The following GRM5 variants were observed in gnomAD, a reference collection of about 807,000 sequenced individuals.
GRM5 encodes the protein glutamate metabotropic receptor 5.
GRM5 carries 19 observed loss-of-function variants against 83.1 expected under a neutral mutation model. The observed-to-expected ratio is 0.23, with a 90% CI of 0.16 to 0.34. The LOEUF is 0.34. Among genes scored for constraint, GRM5 ranks in the 10% least tolerant of loss-of-function variants. The pLI is 1.00. For synonymous variants in GRM5, 675 were observed against 633.6 expected, an observed-to-expected ratio of 1.07 and a Z score of -0.98; for missense variants, 1,160 against 1,588.3, an observed-to-expected ratio of 0.73 and a Z score of 4.58.
intron 2 of GRM5, among the ~76,000 whole-genome samples, chr11:88,963,279 C>T (rs1324031657): frequency 6.6e-6 from 1 of 151,990 alleles, no homozygotes; most frequent in Non-Finnish European, 1.5e-5. Flanking sequence ...TTGGTCATTC[C>T]CCAATATTTA....
At chr11:88,975,786 T>C (rs546888476) in intron 2 of GRM5, among the ~76,000 whole-genome samples, 13 of 152,344 alleles carry the variant, frequency 8.5e-5, no homozygotes, top group African/African-American at 3.1e-4. Flanking sequence ...TGGTCTCATT[T>C]TGATTCCAAC....
chr11:88,982,350 A>G (rs1939552638), intron 2 of GRM5, among the ~76,000 whole-genome samples: 1 of 152,168 alleles, frequency 6.6e-6, no homozygotes, highest in Non-Finnish European at 1.5e-5. Context: ...TGATATATAA[A>G]CCTTTAGCTT....
chr11:89,016,679 G>A (rs1386385158), intron 2 of GRM5, among the ~76,000 whole-genome samples: 3 of 152,122 alleles, frequency 2.0e-5, no homozygotes, highest in Non-Finnish European at 4.4e-5. Context: ...CCATTATGAT[G>A]TGGCTGTTTC....
At chr11:89,045,696 G>A (rs1941627639) in intron 2 of GRM5, among the ~76,000 whole-genome samples, 1 of 152,086 alleles carries the variant, frequency 6.6e-6, no homozygotes, top group East Asian at 1.9e-4. Flanking sequence ...AATTGAATTA[G>A]CACTTGCCAC....
Position 88,506,471 on chromosome 11 carries a change from A to G in GRM5, c.*2121T>C, listed in dbSNP as rs909956590. On this transcript the variant is annotated 3_prime_UTR_variant, in exon 10 of 10. Transcript: ENST00000305447. ...GGATCCAAAGGGTATTAACACCTCA[A>G]AAGATTTCCATTTGTTTTTCAGATA... The G allele has an allele frequency of 6.6e-6, 1 of 152,196 alleles. No individual in the cohort carries two copies. The highest frequency in any genetic ancestry group is 1.5e-5 in the Non-Finnish European group (1 of 68,036). The allele number at this position is 152,196 out of a possible 1,614,324, so 9.4% of individuals were successfully genotyped here. A position where few individuals can be genotyped will look rare whatever the true frequency, so the allele number is the denominator to read the frequency against.
intron 3 of GRM5, among the ~76,000 whole-genome samples, chr11:88,781,709 C>T (rs1225593652): frequency 6.6e-6 from 1 of 152,200 alleles, no homozygotes; most frequent in Non-Finnish European, 1.5e-5. Context: ...TAAGCATGAA[C>T]AAAGCAGGAA....
At chr11:88,645,405 A>G (rs142759101) in intron 4 of GRM5, among the ~76,000 whole-genome samples, 3 of 152,272 alleles carry the variant, frequency 2.0e-5, no homozygotes, top group Non-Finnish European at 4.4e-5. Context: ...CTTTTCACTG[A>G]GCAAGATTTA....
At chr11:88,687,685 T>A (rs1940682422) in intron 3 of GRM5, among the ~76,000 whole-genome samples, 1 of 140,022 alleles carries the variant, frequency 7.1e-6, no homozygotes, top group African/African-American at 2.7e-5. Flanking sequence ...CTAGGAAAAA[T>A]GGTAATTTTC....
chr11:89,061,577 G>A (rs1188077534), intron 1 of GRM5, among the ~76,000 whole-genome samples: 1 of 152,220 alleles, frequency 6.6e-6, no homozygotes, highest in African/African-American at 2.4e-5. Context: ...AAAATGGTAT[G>A]TAGTTAATCA....
In GRM5 at chr11:88,653,347, C is replaced by T. The variant is rs1243599048; in HGVS notation, c.968G>A (p.Gly323Asp). The T allele has an allele frequency of 6.2e-7, 1 of 1,612,868 alleles. No homozygotes were observed. Among genetic ancestry groups the T allele is most frequent in the East Asian group, 2.2e-5 (1 of 44,836 alleles). ...VTDGYQREAV[G>D]GITIKLQSPD... ...AGATTGGAGCTTGATTGTGATGCCACCAACAGCTTCTCGCTGATATCCATC... is the reference window on the plus strand; with the variant it reads ...AGATTGGAGCTTGATTGTGATGCCATCAACAGCTTCTCGCTGATATCCATC... Residue 323 changes from glycine to aspartate, a missense_variant, in exon 4 of 10, where the codon GGT becomes GAT. Physicochemically the swap from Gly to Asp is moderately conservative, Grantham distance 94 (BLOSUM62 -1). This residue lies in a region of GRM5 where 84 missense variants were observed against 231.0 expected (regional missense o/e 0.36). Coordinates refer to ENST00000305447, the MANE Select transcript of GRM5 (RefSeq NM_001143831.3).
intron 2 of GRM5, among the ~76,000 whole-genome samples, chr11:89,043,361 C>T (rs1043192864): frequency 3.3e-5 from 5 of 151,988 alleles, no homozygotes; most frequent in Non-Finnish European, 5.9e-5. Context: ...ACAATAATTA[C>T]TTTTCTTAAT....
At chr11:88,844,317 A>G (rs1359795396) in intron 3 of GRM5, among the ~76,000 whole-genome samples, 1 of 151,752 alleles carries the variant, frequency 6.6e-6, no homozygotes, top group Non-Finnish European at 1.5e-5. Flanking sequence ...TCTTTAAAGC[A>G]TGGTTTACTG....
intron 3 of GRM5, among the ~76,000 whole-genome samples, chr11:88,795,477 G>A (rs1943259156): frequency 6.6e-6 from 1 of 152,124 alleles, no homozygotes; most frequent in Non-Finnish European, 1.5e-5. Flanking sequence ...CATATACTAG[G>A]GAAGGGCAAA....
chr11:88,759,187 A>G (rs1366415084), intron 3 of GRM5, among the ~76,000 whole-genome samples: 1 of 152,120 alleles, frequency 6.6e-6, no homozygotes, highest in Non-Finnish European at 1.5e-5. Context: ...CATAATAACC[A>G]GCTAACATCA....
chr11:88,666,527 C>T (rs951927273), intron 3 of GRM5, among the ~76,000 whole-genome samples: 13 of 152,174 alleles, frequency 8.5e-5, no homozygotes, highest in African/African-American at 2.9e-4. Flanking sequence ...GGGATCTGCC[C>T]TCATAACCCA....
chr11:88,798,658 A>G (rs1341808040), intron 3 of GRM5, among the ~76,000 whole-genome samples: 1 of 151,978 alleles, frequency 6.6e-6, no homozygotes, highest in Non-Finnish European at 1.5e-5. Flanking sequence ...GTTTTTGGAA[A>G]GCCTGTGGTG....
intron 4 of GRM5, among the ~76,000 whole-genome samples, chr11:88,621,300 A>G (rs1049901754): frequency 6.6e-6 from 1 of 152,134 alleles, no homozygotes; most frequent in Non-Finnish European, 1.5e-5. Flanking sequence ...ACTGTGTTTT[A>G]TAATGTTTCC....
intron 2 of GRM5, among the ~76,000 whole-genome samples, chr11:88,962,895 C>G (rs535672544): frequency 6.6e-6 from 1 of 152,280 alleles, no homozygotes; most frequent in East Asian, 1.9e-4. Flanking sequence ...TAGACACCAT[C>G]CTGGCCAACA....
rs547101165 is a variant in GRM5 at position 88,936,043 on chromosome 11, A to T, written c.662-85888T>A. Among the ~76,000 whole-genome samples the T allele has an allele frequency of 4.6e-5, 7 of 151,952 alleles. No homozygotes were observed. The South Asian group carries it at 1.2e-3, about 27-fold the overall frequency. On this transcript the variant is annotated intron_variant, in intron 2 of 9. Coordinates refer to ENST00000305447, the MANE Select transcript of GRM5 (RefSeq NM_001143831.3). The stretch of plus-strand genomic sequence containing the variant: ...AATCCCACAGTTCATTTTTCTAATT[A>T]TTAATAGAGAGCCAAGAGGAGAAGC...
Sources: gnomAD v4.1 joint callset for allele counts (sites outside exome capture counted in the v4.1 genomes callset) on GRCh38, gnomAD v4.1.1 for gene constraint, gnomAD v4.1.1 regional missense constraint, MANE v1.5 for transcripts, NCBI Gene and HGNC (gene_info 2026-07-23, HGNC 2026-07-21) for gene names.